Variants in FAR2 observed in about 807,000 individuals in gnomAD.
FAR2 encodes the protein epididymis secretory protein Li 81.
In FAR2, 19 loss-of-function variants were observed where a neutral mutation model predicts 56.0. The ratio of observed to expected loss-of-function variants is 0.34; its 90% confidence interval spans 0.24 to 0.50. The LOEUF is 0.50. Ranked by LOEUF, FAR2 falls within the 20% of genes least tolerant of loss-of-function variation. The pLI is 0.98. For synonymous variants in FAR2, 219 were observed against 218.8 expected, an observed-to-expected ratio of 1.00 and a Z score of -0.01; for missense variants, 508 against 642.2, an observed-to-expected ratio of 0.79 and a Z score of 2.26.
At chr12:29,173,590 G>T (rs1222566987) in intron 1 of FAR2, among the ~76,000 whole-genome samples, 2 of 152,194 alleles carry the variant, frequency 1.3e-5, no homozygotes, top group East Asian at 3.9e-4. Context: ...GAATACTGGG[G>T]CCAGGCCATA....
chr12:29,305,951 C>G (rs1168857330), intron 4 of FAR2, among the ~76,000 whole-genome samples: 2 of 152,006 alleles, frequency 1.3e-5, no homozygotes, highest in Non-Finnish European at 2.9e-5. Context: ...GACATACAAT[C>G]CCTGCACATT....
chr12:29,232,432 C>T (rs562873949), intron 1 of FAR2, among the ~76,000 whole-genome samples: 2 of 152,218 alleles, frequency 1.3e-5, no homozygotes, highest in Admixed American at 1.3e-4. Context: ...CACCCCATTG[C>T]TTCTCTTCCT....
At chr12:29,278,510 T>C (rs1269675127) in intron 2 of FAR2, among the ~76,000 whole-genome samples, 3 of 145,088 alleles carry the variant, frequency 2.1e-5, no homozygotes, top group African/African-American at 8.5e-5. Flanking sequence ...CAGCTATTGT[T>C]TTTAATTTTT....
intron 1 of FAR2, among the ~76,000 whole-genome samples, chr12:29,220,368 G>A (rs970675588): frequency 1.3e-5 from 2 of 152,158 alleles, no homozygotes; most frequent in African/African-American, 2.4e-5. Context: ...ATGGGTTAAT[G>A]TCTTTGAGCA....
At chr12:29,211,153 C>T (rs1025152520) in intron 1 of FAR2, among the ~76,000 whole-genome samples, 8 of 151,972 alleles carry the variant, frequency 5.3e-5, no homozygotes, top group Admixed American at 2.0e-4. Context: ...GGACCAGGTG[C>T]GGTGGCTCAC....
chr12:29,230,975 T>C (rs1193721387), intron 1 of FAR2, among the ~76,000 whole-genome samples: 1 of 152,168 alleles, frequency 6.6e-6, no homozygotes, highest in East Asian at 1.9e-4. Context: ...AAAGCAAGCA[T>C]AGGAGACCAT....
chr12:29,180,937 TG>T (rs1949986226), intron 1 of FAR2, among the ~76,000 whole-genome samples: 1 of 152,154 alleles, frequency 6.6e-6, no homozygotes, highest in Non-Finnish European at 1.5e-5. Context: ...CTTACATTTT[TG>T]GTGTGGTAGG....
At chr12:29,328,028 A>C (rs1451859632) in intron 10 of FAR2, among the ~76,000 whole-genome samples, 1 of 152,210 alleles carries the variant, frequency 6.6e-6, no homozygotes, top group Non-Finnish European at 1.5e-5. Context: ...TAATATCCAG[A>C]ATCTACAATG....
chr12:29,214,228 C>T (rs926652548), intron 1 of FAR2, among the ~76,000 whole-genome samples: 1 of 152,156 alleles, frequency 6.6e-6, no homozygotes, highest in Non-Finnish European at 1.5e-5. Context: ...TTTGAGAATA[C>T]CACTTGCTGA....
In FAR2 at chr12:29,321,805, C is replaced by G; in HGVS notation, c.1138C>G (p.Leu380Val). 1 of 1,613,296 alleles carries G rather than the reference C, an allele frequency of 6.2e-7. No individual in the cohort carries two copies. The highest frequency in any genetic ancestry group is 8.5e-7 in the Non-Finnish European group (1 of 1,179,448). ...LTGRKPRMTK[L>V]MNRLLRTVSM... ...TGATGGTTATCTCAGGATGACAAAG[C>G]TCATGAATCGGCTTTTAAGAACTGT... The change falls in exon 10 of 12, where the codon CTC (leucine) becomes GTC (valine). Residue 380 changes from leucine (L) to valine (V), a missense_variant. Leu to Val is a conservative substitution (Grantham distance 32). Coordinates refer to ENST00000536681, the MANE Select transcript of FAR2 (RefSeq NM_001271783.2).
In FAR2 at chr12:29,307,799, C is replaced by G; in HGVS notation, c.687C>G (p.Pro229=). 1 of 1,612,104 alleles carries G rather than the reference C, an allele frequency of 6.2e-7. No homozygotes were observed. Among genetic ancestry groups the G allele is most frequent in the Non-Finnish European group, 8.5e-7 (1 of 1,179,728 alleles). The change falls in exon 5 of 12, where the codon CCC becomes CCG. Residue 229 remains proline, a synonymous_variant. Transcript: ENST00000536681. ...ACCTGAACATTGCCATCATAAGGCC[C>G]TCCATTGTGGGAGCAACTTGGCAGG... ...SRNLNIAIIR[P]SIVGATWQEP...
At chr12:29,280,591 CA>C (rs975503542) in intron 2 of FAR2, 1 of 152,190 alleles carries the variant, frequency 6.6e-6, no homozygotes, top group African/African-American at 2.4e-5. Context: ...ATAAACCCCC[CA>C]AATCAGTAGC....
intron 9 of FAR2, among the ~76,000 whole-genome samples, chr12:29,319,237 C>T (rs774931671): frequency 1.3e-5 from 2 of 152,052 alleles, no homozygotes; most frequent in African/African-American, 2.4e-5. Flanking sequence ...GCAAGTCACC[C>T]GCCTCGGCCT....
intron 1 of FAR2, among the ~76,000 whole-genome samples, chr12:29,164,326 C>T (rs905824279): frequency 2.0e-5 from 3 of 152,304 alleles, no homozygotes; most frequent in Admixed American, 2.0e-4. Context: ...GACGCGGCTG[C>T]TGCCATTTTG....
intron 1 of FAR2, among the ~76,000 whole-genome samples, chr12:29,204,410 A>G (rs1026468857): frequency 6.6e-6 from 1 of 152,206 alleles, no homozygotes; most frequent in African/African-American, 2.4e-5. Flanking sequence ...TCTGACAGAT[A>G]GTAACATGAG....
intron 1 of FAR2, among the ~76,000 whole-genome samples, chr12:29,267,437 G>C (rs1948536871): frequency 6.6e-6 from 1 of 152,202 alleles, no homozygotes; most frequent in Non-Finnish European, 1.5e-5. Flanking sequence ...CTGAGGCACA[G>C]AGAGATTAGT....
intron 2 of FAR2, chr12:29,277,840 A>T (rs188389815): frequency 6.6e-6 from 1 of 152,128 alleles, no homozygotes; most frequent in East Asian, 1.9e-4. Flanking sequence ...AGAAATAGAC[A>T]TTTAAGAAGA....
intron 1 of FAR2, among the ~76,000 whole-genome samples, chr12:29,216,810 G>A (rs140304344): frequency 1.3e-4 from 20 of 152,212 alleles, no homozygotes; most frequent in African/African-American, 4.6e-4. Context: ...CTTCCATAAT[G>A]TCAAATTATT....
At chr12:29,220,574 A>G (rs78142712) in intron 1 of FAR2, among the ~76,000 whole-genome samples, 4 of 152,156 alleles carry the variant, frequency 2.6e-5, no homozygotes, top group Admixed American at 6.6e-5. Context: ...TAACTGACAA[A>G]AAATTGTTTA....
Sources: allele counts gnomAD v4.1 joint callset (sites outside exome capture counted in the v4.1 genomes callset), GRCh38; gene constraint gnomAD v4.1.1; transcripts MANE v1.5; gene names NCBI Gene and HGNC (gene_info 2026-07-23, HGNC 2026-07-21).